TLL2: variants seen among roughly 807,000 people sequenced by gnomAD.
The protein encoded by TLL2 is tolloid like 2.
In TLL2, 106 loss-of-function variants were observed where a neutral mutation model predicts 123.0. The ratio of observed to expected loss-of-function variants is 0.86; its 90% CI spans 0.74 to 1.01. The LOEUF (loss-of-function observed/expected upper bound fraction) is 1.01, where lower values mean the gene tolerates loss of function less well. Ranked by LOEUF, TLL2 falls within the 50% of genes least tolerant of loss-of-function variation. The pLI is 0.00. For missense variants in TLL2, 1,332 were observed against 1,336.7 expected, an observed-to-expected ratio of 1.00 and a Z score of 0.06; for synonymous variants, 494 against 516.8, an observed-to-expected ratio of 0.96 and a Z score of 0.60.
At chr10:96,431,877 C>G (rs1396603147) in intron 4 of TLL2, among the ~76,000 whole-genome samples, 1 of 152,042 alleles carries the variant, frequency 6.6e-6, no homozygotes, top group Admixed American at 6.5e-5. Flanking sequence ...CATGCAAAGA[C>G]CTGGGGAAAG....
At chr10:96,484,590 TACACACACACACACACAC>T (rs56286214) in intron 1 of TLL2, among the ~76,000 whole-genome samples, 7 of 146,024 alleles carry the variant, frequency 4.8e-5, no homozygotes, top group East Asian at 4.0e-4. Context: ...TACACATAAG[TACACACACACACACACAC>T]ACACACACAC....
chr10:96,513,473 G>A, intron 1 of TLL2, 38 bp downstream of exon 1: 1 of 1,610,260 alleles, frequency 6.2e-7, no homozygotes. Context: ...CATTTCAAAG[G>A]CAAACTTCTG....
intron 1 of TLL2, among the ~76,000 whole-genome samples, chr10:96,502,141 G>C (rs1037258222): frequency 6.6e-6 from 1 of 152,130 alleles, no homozygotes; most frequent in East Asian, 1.9e-4. Flanking sequence ...ACCACACATA[G>C]AGTCCAGAGA....
intron 2 of TLL2, among the ~76,000 whole-genome samples, chr10:96,470,744 A>G (rs967430448): frequency 1.3e-5 from 2 of 152,210 alleles, no homozygotes; most frequent in African/African-American, 4.8e-5. Context: ...GCTCACCAAC[A>G]GCTTACTTAC....
intron 2 of TLL2, among the ~76,000 whole-genome samples, chr10:96,459,727 T>TATATATAC: frequency 1.2e-5 from 1 of 86,818 alleles, no homozygotes; most frequent in East Asian, 3.6e-4. Context: ...TATATATATA[T>TATATATAC]ATATAGCAGC....
intron 13 of TLL2, among the ~76,000 whole-genome samples, chr10:96,390,346 G>A (rs80076223): frequency 0.014 from 2,124 of 152,352 alleles, 118 homozygotes; most frequent in East Asian, 0.13. Flanking sequence ...GGGATGGAGG[G>A]ATCAAGGTGG....
At chr10:96,453,257 A>C (rs1172291555) in intron 2 of TLL2, among the ~76,000 whole-genome samples, 1 of 152,122 alleles carries the variant, frequency 6.6e-6, no homozygotes, top group Non-Finnish European at 1.5e-5. Flanking sequence ...GGAGTTCAAG[A>C]CCAACCTGCT....
intron 7 of TLL2, among the ~76,000 whole-genome samples, chr10:96,418,836 A>C (rs1846592311): frequency 6.7e-6 from 1 of 148,426 alleles, no homozygotes; most frequent in Non-Finnish European, 1.5e-5. Context: ...TGAATATATA[A>C]ATTAATATGA....
Position 96,477,848 on chromosome 10 carries a change from G to A in TLL2, c.286+2501C>T, listed in dbSNP as rs755962506. 7.2e-5 allele frequency among the ~76,000 whole-genome samples: 11 copies of A among 152,222 alleles called. No homozygotes were observed. In the South Asian group the frequency reaches 1.5e-3, roughly 20 times the overall value. On this transcript the variant is annotated intron_variant, in intron 2 of 20. Transcript: ENST00000357947. ...CTGGATCTCTAAGGCCCTGGGAGAC[G>A]GCTCCAGGGTCTGCCATCTTCATCT...
At position 96,397,186 on chromosome 10, in the gene TLL2, C is replaced by A. The variant is rs756982173; in HGVS notation, c.1384G>T (p.Ala462Ser). 2 of 1,612,708 alleles carry A rather than the reference C, an allele frequency of 1.2e-6. No homozygotes were observed. The highest frequency in any genetic ancestry group is 1.7e-6 in the Non-Finnish European group (2 of 1,179,238). ...LGKGFFAAYEATCGGDMNKDA... is the reference protein window; with the variant it reads ...LGKGFFAAYESTCGGDMNKDA... ...GCAGCTGCTTTCACCTCGCACAAACCTTCGTACGCTGCAAAGAAGCCCTTG... is the reference window on the plus strand; with the variant it reads ...GCAGCTGCTTTCACCTCGCACAAACATTCGTACGCTGCAAAGAAGCCCTTG... The change falls in exon 11 of 21, where the codon GCT becomes TCT. Residue 462 changes from alanine to serine, a missense_variant and splice_region_variant. Transcript: ENST00000357947.
chr10:96,506,419 C>A (rs1268893890), intron 1 of TLL2, among the ~76,000 whole-genome samples: 2 of 151,900 alleles, frequency 1.3e-5, no homozygotes, highest in South Asian at 4.2e-4. Flanking sequence ...TAACCATAGT[C>A]CAGGCTGGGG....
intron 2 of TLL2, among the ~76,000 whole-genome samples, chr10:96,480,070 T>C (rs954003075): frequency 6.6e-6 from 1 of 152,226 alleles, no homozygotes; most frequent in African/African-American, 2.4e-5. Flanking sequence ...TGGAAAGTGC[T>C]GAACCCCGAG....
At chr10:96,458,056 T>TGGGAGGA (rs1292661247) in intron 2 of TLL2, among the ~76,000 whole-genome samples, 1 of 147,548 alleles carries the variant, frequency 6.8e-6, no homozygotes, top group Admixed American at 6.8e-5. Flanking sequence ...GGAGGTGGGG[T>TGGGAGGA]GGGAGGATTG....
chr10:96,445,562 T>C (rs926881029), intron 3 of TLL2, among the ~76,000 whole-genome samples: 1 of 152,158 alleles, frequency 6.6e-6, no homozygotes, highest in African/African-American at 2.4e-5. Flanking sequence ...TCCAGTTTTA[T>C]TTTTCTTCTT....
In TLL2 at chr10:96,421,007, T is replaced by G; in HGVS notation, c.872A>C (p.Glu291Ala). 1.9e-6 allele frequency: 3 copies of G among 1,614,054 alleles called. No individual in the cohort carries two copies. The highest frequency in any genetic ancestry group is 2.5e-6 in the Non-Finnish European group (3 of 1,180,006). The change falls in exon 7 of 21, where the codon GAG becomes GCG. Residue 291 changes from glutamate to alanine, a missense_variant. Transcript: ENST00000357947. ...MEAGEVSSLG[E>A]TYDFDSIMHY... ...CATGATGCTGTCAAAGTCGTATGTC[T>G]CTCCCAGAGAGCTCACTTCCCCAGC...
At chr10:96,415,397 A>G (rs921153449) in intron 7 of TLL2, among the ~76,000 whole-genome samples, 4 of 151,718 alleles carry the variant, frequency 2.6e-5, no homozygotes, top group Non-Finnish European at 4.4e-5. Flanking sequence ...AGCCTTTTCT[A>G]CTCCTCCCAT....
intron 5 of TLL2, among the ~76,000 whole-genome samples, chr10:96,425,280 T>A (rs1336302573): frequency 6.6e-6 from 1 of 151,866 alleles, no homozygotes; most frequent in Non-Finnish European, 1.5e-5. Context: ...TCTCTCTCTC[T>A]CTCTCTCTCT....
At chr10:96,460,905 C>A (rs764759432) in intron 2 of TLL2, among the ~76,000 whole-genome samples, 1 of 152,128 alleles carries the variant, frequency 6.6e-6, no homozygotes, top group African/African-American at 2.4e-5. Context: ...AGGAAGCAGG[C>A]GCTACCCAGA....
chr10:96,470,271 T>A (rs1169976298), intron 2 of TLL2, among the ~76,000 whole-genome samples: 2 of 152,144 alleles, frequency 1.3e-5, no homozygotes, highest in Non-Finnish European at 2.9e-5. Flanking sequence ...GTCAGAGGCA[T>A]CACACATTCA....
Sources: allele counts gnomAD v4.1 joint callset (sites outside exome capture counted in the v4.1 genomes callset), GRCh38; gene constraint gnomAD v4.1.1; transcripts MANE v1.5; gene names NCBI Gene and HGNC (gene_info 2026-07-23, HGNC 2026-07-21).